TAMM41: variants seen among roughly 807,000 people sequenced by gnomAD.
TAMM41 encodes the protein phosphatidate cytidylyltransferase, mitochondrial.
TAMM41 carries 36 observed loss-of-function variants against 44.1 expected under a neutral mutation model. The observed-to-expected ratio is 0.82, with a 90% CI of 0.63 to 1.08. The LOEUF (loss-of-function observed/expected upper bound fraction) is 1.08. Ranked by LOEUF, TAMM41 falls within the 50% of genes least tolerant of loss-of-function variation. TAMM41 has a pLI of 0.00. For synonymous variants in TAMM41, 164 were observed against 153.1 expected (o/e 1.07, Z -0.53); for missense variants, 417 against 404.3 (o/e 1.03, Z -0.27).
At position 11,808,692 on chromosome 3, in the gene TAMM41, G is replaced by A. The variant is rs566293584; in HGVS notation, c.875-797C>T. The A allele has an allele frequency of 1.8e-4, 151 of 856,406 alleles. 1 individual carries two copies. In the African/African-American group the frequency reaches 2.6e-3, roughly 15 times the overall value. 53.1% of individuals were successfully genotyped at this position (856,406 alleles called of 1,614,324 possible). On this transcript the variant is annotated intron_variant, in intron 6 of 7. Coordinates refer to ENST00000455809, the MANE Select transcript of TAMM41 (RefSeq NM_001284401.2). ...TAAATTACCTTTAGCACCTTAAAGG[G>A]AAGTTAGTCTCTGAAGATAAGGTTC... is the stretch of plus-strand genomic sequence containing the variant.
intron 1 of TAMM41, among the ~76,000 whole-genome samples, chr3:11,845,940 C>T (rs937560363): frequency 1.3e-5 from 2 of 152,216 alleles, no homozygotes; most frequent in Non-Finnish European, 2.9e-5. Flanking sequence ...ATGTTAGTTA[C>T]TTTCACTGCA....
intron 5 of TAMM41, among the ~76,000 whole-genome samples, chr3:11,812,399 A>G (rs1272529445): frequency 6.6e-6 from 1 of 152,204 alleles, no homozygotes; most frequent in Non-Finnish European, 1.5e-5. Context: ...GTTGTGCTAC[A>G]CATCCTGAAT....
At chr3:11,744,906 C>T in the TAMM41 span, among the ~76,000 whole-genome samples, 1 of 151,198 alleles carries the variant, frequency 6.6e-6, no homozygotes, top group Non-Finnish European at 1.5e-5. Context: ...CTCTGTTGCC[C>T]AGGCTGGAGT....
intron 3 of TAMM41, among the ~76,000 whole-genome samples, chr3:11,831,635 T>C (rs2078985528): frequency 6.6e-6 from 1 of 152,154 alleles, no homozygotes; most frequent in African/African-American, 2.4e-5. Flanking sequence ...AGACACACTA[T>C]GAGAAACTCC....
chr3:11,835,610 C>G (rs993396324), intron 3 of TAMM41, among the ~76,000 whole-genome samples: 5 of 152,214 alleles, frequency 3.3e-5, no homozygotes, highest in African/African-American at 1.2e-4. Context: ...TCTGAGATTT[C>G]ATGGCATTTC....
the TAMM41 span, among the ~76,000 whole-genome samples, chr3:11,733,800 G>C: frequency 6.6e-6 from 1 of 151,114 alleles, no homozygotes; most frequent in Non-Finnish European, 1.5e-5. Flanking sequence ...CGGCCAGGGG[G>C]GTCCTGAGAT....
the TAMM41 span, among the ~76,000 whole-genome samples, chr3:11,734,270 T>C: frequency 1.3e-5 from 2 of 152,014 alleles, no homozygotes; most frequent in East Asian, 1.9e-4. Flanking sequence ...TTAACCAAAA[T>C]GGGAAGCTGG....
the TAMM41 span, among the ~76,000 whole-genome samples, chr3:11,762,712 G>T: frequency 6.6e-6 from 1 of 152,184 alleles, no homozygotes; most frequent in East Asian, 1.9e-4. Context: ...AAACATCATG[G>T]CCAAAGAACT....
intron 1 of TAMM41, among the ~76,000 whole-genome samples, 156 bp from the exon 2 acceptor site, chr3:11,844,367 G>C (rs552074259): frequency 6.6e-6 from 1 of 152,312 alleles, no homozygotes; most frequent in Non-Finnish European, 1.5e-5. Context: ...GAACAAATAT[G>C]AGCTTTGTTT....
Position 11,844,171 on chromosome 3 carries a change from A to G in TAMM41, c.176T>C (p.Val59Ala), listed in dbSNP as rs777805813. The change falls in exon 2 of 8, where the codon GTC becomes GCC. Residue 59 changes from valine (V) to alanine (A), a missense_variant. Transcript: ENST00000455809. ...LDFVFTVDDP[V>A]AWHSKNLKKN... Reference sequence around the variant, plus strand: ...CTTCAGGTTCTTTGAATGCCATGCGACAGGGTCATCTACTGTGAACACAAA... The same window carrying G: ...CTTCAGGTTCTTTGAATGCCATGCGGCAGGGTCATCTACTGTGAACACAAA... The G allele has an allele frequency of 2.5e-6, 4 of 1,614,226 alleles. No homozygotes were observed. In the South Asian group the frequency reaches 4.4e-5, roughly 18 times the overall value.
rs1345788427 is a variant in TAMM41, at chr3:11,834,841, C to G, written c.411+4381G>C. 3.3e-5 allele frequency among the ~76,000 whole-genome samples: 5 copies of G among 152,142 alleles called. No homozygotes were observed. In the East Asian group the frequency reaches 7.7e-4, roughly 24 times the overall value. On this transcript the variant is annotated intron_variant, in intron 3 of 7. Transcript: ENST00000455809. ...AGCTGGGATTACAGGTGCGCACCAC[C>G]TCGCCTGGCTAATTTTTGCATTTTT...
chr3:11,734,670 GGGAAGA>G, the TAMM41 span, among the ~76,000 whole-genome samples: 1 of 152,136 alleles, frequency 6.6e-6, no homozygotes, highest in African/African-American at 2.4e-5. Context: ...ATGATTAGCA[GGGAAGA>G]AGATCTAGTC....
Position 11,817,175 on chromosome 3 carries a change from T to C in TAMM41, c.708+17A>G. 1 of 1,601,426 alleles carries C rather than the reference T, an allele frequency of 6.2e-7. No homozygotes were observed. Among genetic ancestry groups the C allele is most frequent in the South Asian group, 1.1e-5 (1 of 90,364 alleles). Reference sequence around the variant, plus strand: ...TTGTCTTAGAAACAATACAAGCTATTTTCCACATACAGTTACCTCCAGCCA... The same window carrying C: ...TTGTCTTAGAAACAATACAAGCTATCTTCCACATACAGTTACCTCCAGCCA... On this transcript the variant is annotated intron_variant, in intron 5 of 7. Coordinates refer to ENST00000455809, the MANE Select transcript of TAMM41 (RefSeq NM_001284401.2).
chr3:11,804,799 T>C (rs2077850852), intron 7 of TAMM41, among the ~76,000 whole-genome samples: 1 of 152,108 alleles, frequency 6.6e-6, no homozygotes, highest in Admixed American at 6.6e-5. Flanking sequence ...AAATCTTTAG[T>C]TCAGCAGATG....
chr3:11,756,343 G>GT, the TAMM41 span, among the ~76,000 whole-genome samples: 1 of 152,118 alleles, frequency 6.6e-6, no homozygotes, highest in Non-Finnish European at 1.5e-5. Context: ...TGGAACTGAT[G>GT]TGCTGGCCAT....
intron 7 of TAMM41, among the ~76,000 whole-genome samples, chr3:11,797,330 G>A (rs9883726): frequency 0.014 from 2,177 of 152,118 alleles, 65 homozygotes; most frequent in African/African-American, 0.049. Context: ...CAGAGAACCC[G>A]GAAATAAGGC....
At chr3:11,792,319 C>T (rs2077498915) in intron 7 of TAMM41, among the ~76,000 whole-genome samples, 1 of 152,150 alleles carries the variant, frequency 6.6e-6, no homozygotes, top group South Asian at 2.1e-4. Flanking sequence ...GTCAAGAGAC[C>T]TGGACTCTAG....
chr3:11,783,565 C>T, the TAMM41 span, among the ~76,000 whole-genome samples: 2 of 152,300 alleles, frequency 1.3e-5, no homozygotes, highest in Middle Eastern at 3.4e-3. Context: ...ATTCTAGCCA[C>T]AAATCAGGAC....
chr3:11,811,879 A>G (rs1467629765), intron 5 of TAMM41, among the ~76,000 whole-genome samples: 1 of 152,196 alleles, frequency 6.6e-6, no homozygotes, highest in East Asian at 1.9e-4. Flanking sequence ...ACTATACTAT[A>G]AACACTAGCT....
Sources: allele counts gnomAD v4.1 joint callset (sites outside exome capture counted in the v4.1 genomes callset), GRCh38; gene constraint gnomAD v4.1.1; transcripts MANE v1.5; gene names NCBI Gene and HGNC (gene_info 2026-07-23, HGNC 2026-07-21).